ABCE1: variants seen among roughly 807,000 people sequenced by gnomAD.
ABCE1 encodes ATP binding cassette subfamily E member 1, also known as ATP-binding cassette sub-family E member 1.
ABCE1 carries 22 observed loss-of-function variants against 83.4 expected under a neutral mutation model. The observed-to-expected ratio is 0.26, with a 90% CI of 0.19 to 0.38. ABCE1 has a LOEUF of 0.38. Among genes scored for constraint, ABCE1 ranks in the 10% least tolerant of loss-of-function variants. ABCE1 has a pLI of 1.00. For missense variants in ABCE1, 330 were observed against 721.9 expected, an observed-to-expected ratio of 0.46 and a Z score of 6.22; for synonymous variants, 204 against 233.7, an observed-to-expected ratio of 0.87 and a Z score of 1.16.
chr4:145,114,206 T>C (rs1227550600), intron 9 of ABCE1, among the ~76,000 whole-genome samples: 1 of 152,054 alleles, frequency 6.6e-6, no homozygotes, highest in Non-Finnish European at 1.5e-5. Context: ...GATAGGCTCT[T>C]TGGGGAAGGC....
At chr4:145,108,440 T>C (rs1323055749) in intron 4 of ABCE1, among the ~76,000 whole-genome samples, 1 of 152,204 alleles carries the variant, frequency 6.6e-6, no homozygotes, top group Non-Finnish European at 1.5e-5. Flanking sequence ...TTGTTCCTAG[T>C]ACCCTTATCC....
chr4:145,114,769 G>C (rs545384018), intron 9 of ABCE1, among the ~76,000 whole-genome samples: 8 of 152,042 alleles, frequency 5.3e-5, no homozygotes, highest in African/African-American at 1.9e-4. Context: ...TGGTAAGACA[G>C]ATTGGCATGA....
In ABCE1 at chr4:145,111,028, T is replaced by A. The variant is rs1361859955; in HGVS notation, c.674T>A (p.Phe225Tyr). ...EDLSGGELQR[F>Y]ACAVVCIQKA... The stretch of plus-strand genomic sequence containing the variant: ...CTTTCAGGAGGAGAGTTGCAGAGAT[T>A]TGCTTGTGCTGTCGTTTGCATACAG... Residue 225 changes from phenylalanine (F) to tyrosine (Y), a missense_variant, in exon 8 of 18, where the codon TTT becomes TAT. By Grantham distance (22) the Phe-to-Tyr change is conservative (BLOSUM62 3). Coordinates refer to ENST00000296577, the MANE Select transcript of ABCE1 (RefSeq NM_002940.3). 2.5e-6 allele frequency: 4 copies of A among 1,612,550 alleles called. No homozygotes were observed. Among genetic ancestry groups the A allele is most frequent in the Non-Finnish European group, 3.4e-6 (4 of 1,179,476 alleles).
At chr4:145,101,173 G>T (rs1749145206) in intron 1 of ABCE1, among the ~76,000 whole-genome samples, 1 of 152,170 alleles carries the variant, frequency 6.6e-6, no homozygotes, top group African/African-American at 2.4e-5. Context: ...TTTTTCGGTA[G>T]TGTATATTGT....
chr4:145,101,231 G>C (rs1054038136), intron 1 of ABCE1, among the ~76,000 whole-genome samples: 1 of 152,120 alleles, frequency 6.6e-6, no homozygotes, highest in African/African-American at 2.4e-5. Flanking sequence ...AAGATTGAAA[G>C]GAGTAAGCCA....
intron 5 of ABCE1, 39 bp downstream of exon 5, chr4:145,109,288 C>CA (rs763605265): frequency 8.0e-7 from 1 of 1,252,226 alleles, no homozygotes; most frequent in South Asian, 1.5e-5. Flanking sequence ...TATCATGAGT[C>CA]AGTTTTATGA....
chr4:145,110,300 A>C (rs1749431869), intron 6 of ABCE1, 60 bp downstream of exon 6: 1 of 1,599,634 alleles, frequency 6.3e-7, no homozygotes, highest in Non-Finnish European at 8.5e-7. Flanking sequence ...GATATATCAA[A>C]ATAAACTTGT....
intron 7 of ABCE1, 85 bp downstream of exon 7, chr4:145,110,529 G>A: frequency 1.5e-6 from 2 of 1,305,176 alleles, no homozygotes; most frequent in Non-Finnish European, 1.1e-6. Flanking sequence ...AGGCTGGGGT[G>A]CAATGATGCA....
In ABCE1 at chr4:145,117,287, T is replaced by C; in HGVS notation, c.801-6T>C. Reference sequence around the variant, plus strand: ...AGTTTTAACTAAAATCTGGTTTGATTTTCAGATATATCATTGTGGTGGAAC... The same window carrying C: ...AGTTTTAACTAAAATCTGGTTTGATCTTCAGATATATCATTGTGGTGGAAC... On this transcript the variant is annotated splice_region_variant and splice_polypyrimidine_tract_variant and intron_variant, in intron 9 of 17. Coordinates refer to ENST00000296577, the MANE Select transcript of ABCE1 (RefSeq NM_002940.3). 1 of 1,593,774 alleles carries C rather than the reference T, an allele frequency of 6.3e-7. No homozygotes were observed. Among genetic ancestry groups the C allele is most frequent in the Non-Finnish European group, 8.5e-7 (1 of 1,171,066 alleles).
chr4:145,112,949 C>A (rs1287647031), intron 9 of ABCE1, among the ~76,000 whole-genome samples: 1 of 152,094 alleles, frequency 6.6e-6, no homozygotes, highest in Admixed American at 6.5e-5. Context: ...TGACCAGACC[C>A]CAGGGGTTTT....
Position 145,120,953 on chromosome 4 carries a change from A to G in ABCE1, c.1145-221A>G, listed in dbSNP as rs192063184. On this transcript the variant is annotated intron_variant, in intron 11 of 17. Coordinates refer to ENST00000296577, the MANE Select transcript of ABCE1 (RefSeq NM_002940.3). The stretch of plus-strand genomic sequence containing the variant: ...AGACATACCATTTATTAAAATTGTC[A>G]TAAGCTTTGACTAGTCTTTATTCCT... 15 of 507,276 alleles carry G rather than the reference A, an allele frequency of 3.0e-5. No homozygotes were observed. The Admixed American group carries it at 5.6e-4, about 19-fold the overall frequency. 31.4% of individuals were successfully genotyped at this position (507,276 alleles called of 1,614,324 possible).
rs755641159 is a variant in ABCE1, at chr4:145,105,628, C to T, written c.127C>T (p.Pro43Ser). ...AGGAAAATTATGCATAGAGGTTACA[C>T]CCCAGAGCAAAATAGCATGGATTTC... ...RMGKLCIEVTPQSKIAWISET... is the reference protein window; with the variant it reads ...RMGKLCIEVTSQSKIAWISET... The change falls in exon 3 of 18, where the codon CCC (proline) becomes TCC (serine). Residue 43 changes from proline to serine, a missense_variant. Pro to Ser is a moderately conservative substitution (Grantham distance 74, BLOSUM62 -1). Coordinates refer to ENST00000296577, the MANE Select transcript of ABCE1 (RefSeq NM_002940.3). 1.4e-5 allele frequency: 22 copies of T among 1,606,852 alleles called. No homozygotes were observed. In the East Asian group the frequency reaches 4.7e-4, roughly 34 times the overall value.
chr4:145,117,484 G>A, intron 10 of ABCE1, 70 bp downstream of exon 10: 1 of 1,451,838 alleles, frequency 6.9e-7, no homozygotes, highest in Admixed American at 2.0e-5. Context: ...CTACATTATT[G>A]ATATTAAGTA....
At chr4:145,124,493 T>TGTGATTTGGC (rs1449975722) in intron 16 of ABCE1, among the ~76,000 whole-genome samples, 4 of 152,188 alleles carry the variant, frequency 2.6e-5, no homozygotes, top group Non-Finnish European at 5.9e-5. Flanking sequence ...ACATGTATGT[T>TGTGATTTGGC]GTGATTTGGC....
intron 9 of ABCE1, among the ~76,000 whole-genome samples, chr4:145,113,926 C>T (rs1749547302): frequency 6.6e-6 from 1 of 152,022 alleles, no homozygotes; most frequent in Non-Finnish European, 1.5e-5. Context: ...GTTCAGAAAC[C>T]TGGAGAATGT....
chr4:145,109,278 T>C, intron 5 of ABCE1, 29 bp downstream of exon 5: 1 of 1,343,316 alleles, frequency 7.4e-7, no homozygotes, highest in East Asian at 2.4e-5. Context: ...TAAAAATTAA[T>C]ATCATGAGTC....
chr4:145,117,830 T>C (rs1749644625), intron 10 of ABCE1, among the ~76,000 whole-genome samples: 1 of 151,886 alleles, frequency 6.6e-6, no homozygotes, highest in Non-Finnish European at 1.5e-5. Context: ...GTATACTATG[T>C]TTTTGGAACT....
At chr4:145,114,298 C>T in intron 9 of ABCE1, among the ~76,000 whole-genome samples, 1 of 152,158 alleles carries the variant, frequency 6.6e-6, no homozygotes, top group Non-Finnish European at 1.5e-5. Flanking sequence ...GAAAAGCATA[C>T]ACATGTACCA....
Position 145,123,295 on chromosome 4 carries a change from T to C in ABCE1, c.1455T>C (p.Ile485=). The change falls in exon 15 of 18, where the codon ATT becomes ATC. Residue 485 remains isoleucine, a synonymous_variant. Transcript: ENST00000296577. ...GCAAACCTGCTGATGTCTATTTAAT[T>C]GATGAACCATCTGCATATTTGGATT... ...CLGKPADVYL[I]DEPSAYLDSE... is the part of the protein sequence containing the mutation. 1 of 1,612,558 alleles carries C rather than the reference T, an allele frequency of 6.2e-7. No homozygotes were observed. The highest frequency in any genetic ancestry group is 2.2e-5 in the East Asian group (1 of 44,872).
Sources: gnomAD v4.1 joint callset for allele counts (sites outside exome capture counted in the v4.1 genomes callset) on GRCh38, gnomAD v4.1.1 for gene constraint, MANE v1.5 for transcripts, NCBI Gene and HGNC (gene_info 2026-07-23, HGNC 2026-07-21) for gene names.